SSH1: variants seen among roughly 807,000 people sequenced by gnomAD.
SSH1 encodes protein phosphatase Slingshot homolog 1.
SSH1 carries 43 observed loss-of-function variants against 79.7 expected under a neutral mutation model. That is an observed-to-expected ratio of 0.54 (90% CI 0.42 to 0.70). SSH1 has a LOEUF of 0.70. Among genes scored for constraint, SSH1 ranks in the 30% least tolerant of loss-of-function variants. SSH1 has a pLI of 0.00. For synonymous variants in SSH1, 599 were observed against 538.3 expected (o/e 1.11, Z -1.56); for missense variants, 1,206 against 1,358.8 (o/e 0.89, Z 1.77).
intron 5 of SSH1, among the ~76,000 whole-genome samples, chr12:108,812,919 G>A (rs913885609): frequency 1.3e-5 from 2 of 149,734 alleles, no homozygotes; most frequent in African/African-American, 4.9e-5. Context: ...CTGGAATACA[G>A]TGGTGTAATC....
Position 108,807,488 on chromosome 12 carries a change from G to T in SSH1, c.731+145C>A. On this transcript the variant is annotated intron_variant, in intron 8 of 14. Transcript: ENST00000326495. This position sits in a 1 kb window ranked among gnomAD's most constrained non-coding sequence, Gnocchi z 5.2. ...GTCACAGACCCCTGCTTTAAACGCT[G>T]GTTCTGAGAAAGCTAGGGTTCTCAC... 1 of 696,378 alleles carries T rather than the reference G, an allele frequency of 1.4e-6. No homozygotes were observed. 43.1% of individuals were successfully genotyped at this position (696,378 alleles called of 1,614,324 possible).
At chr12:108,831,574 T>C (rs1166987468) in intron 2 of SSH1, among the ~76,000 whole-genome samples, 2 of 151,404 alleles carry the variant, frequency 1.3e-5, no homozygotes, top group East Asian at 3.9e-4. Context: ...AGTTCCACGG[T>C]GGAAGGAGGT....
At chr12:108,812,714 T>A (rs1004162364) in intron 5 of SSH1, among the ~76,000 whole-genome samples, 2 of 152,330 alleles carry the variant, frequency 1.3e-5, no homozygotes, top group South Asian at 2.1e-4. Flanking sequence ...GCCAGGAGCA[T>A]GGAACAGGGA....
chr12:108,840,341 G>A (rs1464087439), intron 2 of SSH1, among the ~76,000 whole-genome samples: 1 of 152,052 alleles, frequency 6.6e-6, no homozygotes, highest in Non-Finnish European at 1.5e-5. Context: ...AGACCAGCCT[G>A]GCCAACATGG....
At chr12:108,848,680 T>C (rs1468548677) in intron 2 of SSH1, among the ~76,000 whole-genome samples, 1 of 152,184 alleles carries the variant, frequency 6.6e-6, no homozygotes, top group Admixed American at 6.5e-5. Context: ...GGAGGCAGGA[T>C]GGTGTCCTGT....
At chr12:108,846,261 T>A (rs931548108) in intron 2 of SSH1, among the ~76,000 whole-genome samples, 6 of 151,960 alleles carry the variant, frequency 3.9e-5, no homozygotes, top group African/African-American at 1.5e-4. Flanking sequence ...ATAATTCTAA[T>A]GACCACGTTC....
At position 108,785,937 on chromosome 12, in the gene SSH1, A is replaced by T. The variant is rs1356085602; in HGVS notation, c.*2051T>A. 1 of 152,172 alleles carries T rather than the reference A, an allele frequency of 6.6e-6. No homozygotes were observed. 9.4% of individuals were successfully genotyped at this position (152,172 alleles called of 1,614,324 possible). ...CACAGGGGTTTAGGAATAAGTGGATAATCACCTTTTAAGGTGATTTTAATT... is the reference window on the plus strand; with the variant it reads ...CACAGGGGTTTAGGAATAAGTGGATTATCACCTTTTAAGGTGATTTTAATT... On this transcript the variant is annotated 3_prime_UTR_variant, in exon 15 of 15. Transcript: ENST00000326495.
intron 2 of SSH1, among the ~76,000 whole-genome samples, chr12:108,839,179 T>C (rs758749122): frequency 2.0e-5 from 3 of 152,172 alleles, no homozygotes; most frequent in Non-Finnish European, 4.4e-5. Flanking sequence ...AAAAAGCCAA[T>C]AGCTAAGTAA....
intron 2 of SSH1, among the ~76,000 whole-genome samples, chr12:108,829,932 T>C (rs2038432362): frequency 6.6e-6 from 1 of 151,972 alleles, no homozygotes; most frequent in African/African-American, 2.4e-5. Context: ...CAAGATCCCA[T>C]CTCTACAAAA....
intron 10 of SSH1, among the ~76,000 whole-genome samples, chr12:108,804,788 C>T (rs1213352110): frequency 6.6e-6 from 1 of 152,214 alleles, no homozygotes; most frequent in Non-Finnish European, 1.5e-5. Flanking sequence ...GTCTGAAACA[C>T]ATGCCAGTTG....
At chr12:108,823,955 C>T (rs1352005933) in intron 2 of SSH1, among the ~76,000 whole-genome samples, 4 of 152,300 alleles carry the variant, frequency 2.6e-5, no homozygotes, top group East Asian at 1.9e-4. Flanking sequence ...GGCGTGACCA[C>T]GCCCAGCCAT....
rs1223960217 is a variant in SSH1, at chr12:108,792,556, C to T, written c.1623G>A (p.Leu541=). 30 of 1,614,038 alleles carry T rather than the reference C, an allele frequency of 1.9e-5. No individual in the cohort carries two copies. The highest frequency in any genetic ancestry group is 2.5e-5 in the Non-Finnish European group (30 of 1,179,958). The change falls in exon 14 of 15, where the codon TTG becomes TTA. Residue 541 remains leucine, a synonymous_variant. Coordinates refer to ENST00000326495, the MANE Select transcript of SSH1 (RefSeq NM_018984.4). ...CCTCTGCAGGTGGAGCAGCTTCCTC[C>T]AACAGAGCCTCCCTCTCCGGATCCT... ...HLEDPEREAL[L]EEAAPPAEVH...
chr12:108,811,439 T>C, intron 5 of SSH1, 111 bp from the exon 6 acceptor site: 1 of 925,474 alleles, frequency 1.1e-6, no homozygotes. Flanking sequence ...CGTGTGGGAG[T>C]AGGCTGTCTG....
chr12:108,854,132 G>A (rs550495299), intron 1 of SSH1, among the ~76,000 whole-genome samples: 1 of 152,322 alleles, frequency 6.6e-6, no homozygotes, highest in Admixed American at 6.5e-5. Context: ...TCTCAATGCG[G>A]AGCAAGTTCT....
chr12:108,837,396 T>C (rs1434180674), intron 2 of SSH1, among the ~76,000 whole-genome samples: 2 of 152,254 alleles, frequency 1.3e-5, no homozygotes, highest in East Asian at 1.9e-4. Context: ...ATGGTGACTC[T>C]TGAATGGGGT....
intron 12 of SSH1, 39 bp downstream of exon 12, chr12:108,800,741 G>C: frequency 6.2e-7 from 1 of 1,606,734 alleles, no homozygotes; most frequent in Non-Finnish European, 8.5e-7. Context: ...GCCTCAGCAG[G>C]TTGGTTTCAT....
intron 2 of SSH1, among the ~76,000 whole-genome samples, chr12:108,837,545 A>G (rs1240691458): frequency 1.3e-5 from 2 of 152,052 alleles, no homozygotes; most frequent in Non-Finnish European, 2.9e-5. Flanking sequence ...CAAATGGTTC[A>G]AAAAAGAAAG....
intron 7 of SSH1, 141 bp downstream of exon 7, chr12:108,809,552 A>C: frequency 1.3e-6 from 1 of 760,162 alleles, no homozygotes; most frequent in South Asian, 1.4e-5. Flanking sequence ...TGAAAATGAT[A>C]AACTTTATGT....
chr12:108,792,132 G>C (rs1359513256), intron 14 of SSH1, 154 bp downstream of exon 14: 12 of 1,497,954 alleles, frequency 8.0e-6, no homozygotes, highest in Non-Finnish European at 1.1e-5. Flanking sequence ...GGTCCCTGGA[G>C]ATGGGAGCTG....
Sources: allele counts gnomAD v4.1 joint callset (sites outside exome capture counted in the v4.1 genomes callset), GRCh38; gene constraint gnomAD v4.1.1; non-coding constraint Gnocchi (gnomAD v3.1); transcripts MANE v1.5; gene names NCBI Gene and HGNC (gene_info 2026-07-23, HGNC 2026-07-21).